Variants in TXK observed in about 807,000 individuals in gnomAD.
TXK encodes TXK tyrosine kinase, also known as tyrosine-protein kinase TXK.
Under a neutral mutation model 81.0 loss-of-function variants are expected in TXK, and 60 were observed. The ratio of observed to expected loss-of-function variants is 0.74; its 90% CI spans 0.60 to 0.92. The LOEUF is 0.92. Among genes scored for constraint, TXK ranks in the 40% least tolerant of loss-of-function variants. The pLI is 0.00. For missense variants in TXK, 581 were observed against 638.3 expected, an observed-to-expected ratio of 0.91 and a Z score of 0.97; for synonymous variants, 203 against 210.7, an observed-to-expected ratio of 0.96 and a Z score of 0.32.
intron 1 of TXK, among the ~76,000 whole-genome samples, chr4:48,116,313 A>G (rs948670546): frequency 1.3e-5 from 2 of 152,208 alleles, no homozygotes; most frequent in African/African-American, 4.8e-5. Context: ...GGTAATCAAG[A>G]AGGCTGATTA....
At chr4:48,089,687 C>G in intron 9 of TXK, 63 bp downstream of exon 9, 5 of 1,391,124 alleles carry the variant, frequency 3.6e-6, no homozygotes, top group Non-Finnish European at 5.1e-6. Flanking sequence ...CCACCGCACC[C>G]AGCCAGGTAG....
chr4:48,086,543 A>G lies in TXK; in HGVS notation c.879T>C (p.His293=), dbSNP rs1717537134. 5 of 1,614,010 alleles carry G rather than the reference A, an allele frequency of 3.1e-6. No individual in the cohort carries two copies. Among genetic ancestry groups the G allele is most frequent in the Non-Finnish European group, 3.4e-6 (4 of 1,179,986 alleles). ...GVVHLGEWRS[H]IQVAIKAINE... is the part of the protein sequence containing the mutation. ...TGATGGCCTTGATAGCTACCTGGATATGTGACCGCCATTCACCTAAATGGA... is the reference window on the plus strand; with the variant it reads ...TGATGGCCTTGATAGCTACCTGGATGTGTGACCGCCATTCACCTAAATGGA... The change falls in exon 10 of 15, where the codon CAT becomes CAC. Residue 293 remains histidine (H), a synonymous_variant. Transcript: ENST00000264316.
At chr4:48,087,845 T>C (rs904402104) in intron 9 of TXK, among the ~76,000 whole-genome samples, 7 of 152,178 alleles carry the variant, frequency 4.6e-5, no homozygotes, top group Non-Finnish European at 1.5e-5. Flanking sequence ...TAAATTATAC[T>C]TCATAAAACT....
intron 5 of TXK, chr4:48,109,315 C>T (rs1288603812): frequency 2.0e-5 from 3 of 152,120 alleles, no homozygotes; most frequent in Admixed American, 1.3e-4. Context: ...GCATGAACCA[C>T]CATGCCTGGC....
At chr4:48,106,959 T>C (rs915673491) in intron 5 of TXK, among the ~76,000 whole-genome samples, 2 of 152,208 alleles carry the variant, frequency 1.3e-5, no homozygotes, top group Non-Finnish European at 2.9e-5. Context: ...CCCACATTTA[T>C]AAGTTTAGTT....
intron 9 of TXK, among the ~76,000 whole-genome samples, chr4:48,088,118 C>T (rs10007288): frequency 0.57 from 85,942 of 151,812 alleles, 25,067 homozygotes; most frequent in East Asian, 0.92. Flanking sequence ...TGAGATACTA[C>T]GACACACCAG....
intron 1 of TXK, among the ~76,000 whole-genome samples, chr4:48,133,191 C>A (rs1347533255): frequency 1.3e-5 from 2 of 150,726 alleles, no homozygotes; most frequent in African/African-American, 4.9e-5. Context: ...TCTGATATGA[C>A]GGCTGCCTTC....
At chr4:48,080,268 TA>T (rs1717247062) in intron 10 of TXK, 140 bp from the exon 11 acceptor site, 1 of 697,556 alleles carries the variant, frequency 1.4e-6, no homozygotes, top group African/African-American at 1.8e-5. Context: ...ACAGAGGAAG[TA>T]GTTCAGTTTC....
intron 1 of TXK, among the ~76,000 whole-genome samples, chr4:48,126,991 T>C (rs1719104589): frequency 6.6e-6 from 1 of 152,222 alleles, no homozygotes; most frequent in Admixed American, 6.5e-5. Context: ...AAAATTCTTA[T>C]GTTTCCTGAT....
intron 1 of TXK, among the ~76,000 whole-genome samples, chr4:48,123,121 G>C (rs1718999407): frequency 6.6e-6 from 1 of 152,130 alleles, no homozygotes; most frequent in Non-Finnish European, 1.5e-5. Flanking sequence ...CTTTATCCTT[G>C]AGTAATCACT....
intron 10 of TXK, among the ~76,000 whole-genome samples, chr4:48,081,632 T>G (rs1717304104): frequency 6.6e-6 from 1 of 152,176 alleles, no homozygotes; most frequent in African/African-American, 2.4e-5. Flanking sequence ...TTTCCCTAAG[T>G]AATCGCATTA....
At chr4:48,090,077 T>G (rs1448909689) in intron 8 of TXK, among the ~76,000 whole-genome samples, 1 of 151,888 alleles carries the variant, frequency 6.6e-6, no homozygotes, top group Non-Finnish European at 1.5e-5. Flanking sequence ...TATTCACAGA[T>G]AGATTGTTAT....
chr4:48,127,567 T>C (rs567707145), intron 1 of TXK, among the ~76,000 whole-genome samples: 1 of 152,356 alleles, frequency 6.6e-6, no homozygotes, highest in Admixed American at 6.5e-5. Context: ...AGGCAATGAC[T>C]ATTTGCCTGC....
intron 8 of TXK, among the ~76,000 whole-genome samples, chr4:48,092,803 G>A (rs2109431767): frequency 6.6e-6 from 1 of 152,320 alleles, no homozygotes; most frequent in South Asian, 2.1e-4. Context: ...GGATGAGAGG[G>A]CATGGGGACA....
At chr4:48,079,298 T>C (rs1717199070) in intron 11 of TXK, among the ~76,000 whole-genome samples, 1 of 152,232 alleles carries the variant, frequency 6.6e-6, no homozygotes, top group African/African-American at 2.4e-5. Context: ...AATTATGGTT[T>C]AGGAGTCAGA....
At chr4:48,118,581 G>C (rs1308077994) in intron 1 of TXK, among the ~76,000 whole-genome samples, 1 of 152,202 alleles carries the variant, frequency 6.6e-6, no homozygotes, top group Non-Finnish European at 1.5e-5. Context: ...TTGATGATCC[G>C]TGATTAAGCA....
At chr4:48,095,570 A>C (rs1717950656) in intron 6 of TXK, among the ~76,000 whole-genome samples, 1 of 152,228 alleles carries the variant, frequency 6.6e-6, no homozygotes, top group Admixed American at 6.5e-5. Context: ...ACTGTAGAAT[A>C]GGAAGAACAC....
chr4:48,095,048 T>C, intron 7 of TXK, 95 bp downstream of exon 7: 1 of 1,061,906 alleles, frequency 9.4e-7, no homozygotes. Context: ...AGGTCAACAA[T>C]CTTTTCCCTA....
At chr4:48,117,726 A>G (rs1180221418) in intron 1 of TXK, among the ~76,000 whole-genome samples, 2 of 152,218 alleles carry the variant, frequency 1.3e-5, no homozygotes, top group Non-Finnish European at 2.9e-5. Context: ...TATCCTGGCT[A>G]TGGAAAAACA....
Sources: allele counts gnomAD v4.1 joint callset (sites outside exome capture counted in the v4.1 genomes callset), GRCh38; gene constraint gnomAD v4.1.1; transcripts MANE v1.5; gene names NCBI Gene and HGNC (gene_info 2026-07-23, HGNC 2026-07-21).